Variants in IGF2R observed in about 807,000 individuals in gnomAD.
IGF2R encodes the protein cation-independent mannose-6-phosphate receptor.
A neutral mutation model predicts 270.6 loss-of-function variants in IGF2R; 91 were observed. The ratio of observed to expected loss-of-function variants is 0.34; its 90% confidence interval spans 0.28 to 0.40. IGF2R has a LOEUF of 0.40. Ranked by LOEUF, IGF2R falls within the 10% of genes least tolerant of loss-of-function variation. The pLI is 1.00. For synonymous variants in IGF2R, 1,316 were observed against 1,258.9 expected, an observed-to-expected ratio of 1.05 and a Z score of -0.96; for missense variants, 2,805 against 3,188.3, an observed-to-expected ratio of 0.88 and a Z score of 2.90.
rs1777517349 is a variant in IGF2R, at chr6:160,024,701, A to G, written c.643A>G (p.Ile215Val). ...TSLFINVCRD[I>V]DTLRDPGSQL... The stretch of plus-strand genomic sequence containing the variant: ...TCTATTCATCAATGTTTGTAGAGAC[A>G]TAGGTATGAATCTTTGTGGGGCTGA... Residue 215 changes from isoleucine (I) to valine (V), a missense_variant, in exon 5 of 48, where the codon ATA (isoleucine) becomes GTA (valine). By Grantham distance (29) the Ile-to-Val change is conservative (BLOSUM62 3). Around this residue, in one of 2 missense-constraint regions of IGF2R, gnomAD observed 954 missense variants for 981.1 expected, o/e 0.97. Coordinates refer to ENST00000356956, the MANE Select transcript of IGF2R (RefSeq NM_000876.4). 3.7e-6 allele frequency: 6 copies of G among 1,614,092 alleles called. No homozygotes were observed. The highest frequency in any genetic ancestry group is 5.1e-6 in the Non-Finnish European group (6 of 1,179,950).
intron 47 of IGF2R, 59 bp downstream of exon 47, chr6:160,103,874 G>A (rs1779551099): frequency 2.6e-6 from 3 of 1,160,232 alleles, no homozygotes; most frequent in African/African-American, 1.5e-5. Flanking sequence ...GTGCTGCGCT[G>A]TCCATGTCGT....
At chr6:159,997,691 G>T (rs73596418) in intron 2 of IGF2R, among the ~76,000 whole-genome samples, 1 of 152,082 alleles carries the variant, frequency 6.6e-6, no homozygotes, top group African/African-American at 2.4e-5. Flanking sequence ...CATCCCAGGG[G>T]TTCTCCACCA....
chr6:159,993,704 T>C (rs1784011223), intron 2 of IGF2R, among the ~76,000 whole-genome samples: 1 of 152,202 alleles, frequency 6.6e-6, no homozygotes. Flanking sequence ...CTATTCAGGC[T>C]TTGGCTACTC....
At chr6:160,019,258 A>C (rs139019670) in intron 4 of IGF2R, among the ~76,000 whole-genome samples, 5 of 152,354 alleles carry the variant, frequency 3.3e-5, no homozygotes, top group African/African-American at 1.2e-4. Flanking sequence ...AATTCCAAAA[A>C]GACCAATAAC....
rs1011601211 is a variant in IGF2R at position 160,027,415 on chromosome 6, A to G, written c.776+101A>G. ...ATCCTTTTTCAGCAAGGCTTGGGAT[A>G]GTCCCTGCAGCATTGCTGCTTCACA... On this transcript the variant is annotated intron_variant, in intron 6 of 47. Coordinates refer to ENST00000356956, the MANE Select transcript of IGF2R (RefSeq NM_000876.4). 8.3e-6 allele frequency: 11 copies of G among 1,329,332 alleles called. No homozygotes were observed. The East Asian group carries it at 2.5e-4, about 31-fold the overall frequency. The allele number at this position is 1,329,332 out of a possible 1,614,324, so 82.3% of individuals were successfully genotyped here.
At chr6:159,988,962 A>G (rs192560284) in intron 1 of IGF2R, among the ~76,000 whole-genome samples, 74 of 152,272 alleles carry the variant, frequency 4.9e-4, no homozygotes, top group African/African-American at 1.6e-3. Flanking sequence ...GTGCCCAGTA[A>G]TACTTGGGTT....
rs756446435 is a variant in IGF2R at position 160,078,204 on chromosome 6, A to G, written c.5320A>G (p.Thr1774Ala). Residue 1774 changes from threonine (T) to alanine (A), a missense_variant, in exon 37 of 48, where the codon ACG (threonine) becomes GCG (alanine). Physicochemically the swap from Thr to Ala is moderately conservative, Grantham distance 58. Coordinates refer to ENST00000356956, the MANE Select transcript of IGF2R (RefSeq NM_000876.4). ...CCCGTGCTCTTCCTGGCAACAGGGAACGCCTAAGCTGTTAAGGACCAGCGA... is the reference window on the plus strand; with the variant it reads ...CCCGTGCTCTTCCTGGCAACAGGGAGCGCCTAAGCTGTTAAGGACCAGCGA... ...FHCKRGVSMG[T>A]PKLLRTSECD... is the part of the protein sequence containing the mutation. 4.3e-6 allele frequency: 7 copies of G among 1,613,874 alleles called. No individual in the cohort carries two copies. The highest frequency in any genetic ancestry group is 1.3e-5 in the African/African-American group (1 of 74,918).
At position 159,991,271 on chromosome 6, in the gene IGF2R, A is replaced by G. The variant is rs767878929; in HGVS notation, c.237A>G (p.Pro79=). The G allele has an allele frequency of 5.6e-6, 9 of 1,613,820 alleles. No homozygotes were observed. Among genetic ancestry groups the G allele is most frequent in the African/African-American group, 4.0e-5 (3 of 74,926 alleles). Residue 79 remains proline (P), a synonymous_variant, in exon 2 of 48, where the codon CCA becomes CCG. Coordinates refer to ENST00000356956, the MANE Select transcript of IGF2R (RefSeq NM_000876.4). ...CGSVDIVQCG[P]SSAVCMHDLK... ...GTGTGGATATTGTCCAGTGCGGGCC[A>G]TCAAGTGCTGTTTGTATGCACGACT...
intron 1 of IGF2R, among the ~76,000 whole-genome samples, chr6:159,974,030 G>A (rs554793343): frequency 1.3e-5 from 2 of 152,300 alleles, no homozygotes; most frequent in East Asian, 3.9e-4. Context: ...TGGTGTATGA[G>A]GAGGTGGGCG....
At chr6:160,049,202 G>A (rs950688921) in intron 18 of IGF2R, among the ~76,000 whole-genome samples, 1 of 152,184 alleles carries the variant, frequency 6.6e-6, no homozygotes, top group African/African-American at 2.4e-5. Flanking sequence ...TCCTGGTTGT[G>A]TTTACCTCTG....
intron 32 of IGF2R, 112 bp downstream of exon 32, chr6:160,072,148 T>C (rs1778755411): frequency 1.5e-6 from 2 of 1,324,780 alleles, no homozygotes; most frequent in Admixed American, 3.7e-5. Flanking sequence ...GCAGGCGCCC[T>C]GGGCAGAGGT....
chr6:160,024,008 A>T (rs549771365), intron 4 of IGF2R, among the ~76,000 whole-genome samples: 23 of 152,298 alleles, frequency 1.5e-4, no homozygotes, highest in African/African-American at 5.5e-4. Flanking sequence ...GTGGAGAATG[A>T]TCAGTAGCAT....
chr6:160,030,301 T>G (rs977879347), intron 7 of IGF2R, among the ~76,000 whole-genome samples: 3 of 152,132 alleles, frequency 2.0e-5, no homozygotes, highest in African/African-American at 7.2e-5. Context: ...GGGCAGGGCT[T>G]TCCTTTAGTT....
At chr6:159,988,411 G>T (rs1783922656) in intron 1 of IGF2R, among the ~76,000 whole-genome samples, 1 of 151,408 alleles carries the variant, frequency 6.6e-6, no homozygotes, top group South Asian at 2.1e-4. Flanking sequence ...GCTACGGGAG[G>T]CTGAGGCAGG....
chr6:160,065,810 G>GTATATATA (rs1280903899), intron 29 of IGF2R, among the ~76,000 whole-genome samples: 10 of 72,972 alleles, frequency 1.4e-4, no homozygotes, highest in African/African-American at 6.0e-4. Flanking sequence ...GTGTGTGTGT[G>GTATATATA]TGTGTATATA....
intron 1 of IGF2R, among the ~76,000 whole-genome samples, chr6:159,988,237 C>G (rs1441850751): frequency 6.6e-6 from 1 of 151,886 alleles, no homozygotes; most frequent in Non-Finnish European, 1.5e-5. Context: ...CATAGCAGGC[C>G]GGGCGCGGTG....
chr6:160,044,407 TTTC>T, intron 12 of IGF2R, 104 bp from the exon 13 acceptor site: 1 of 1,057,224 alleles, frequency 9.5e-7, no homozygotes, highest in Non-Finnish European at 1.4e-6. Context: ...TTTGGGCTGA[TTTC>T]TTTCTTTCTT....
At chr6:160,009,514 C>T (rs1402834835) in intron 3 of IGF2R, among the ~76,000 whole-genome samples, 1 of 152,012 alleles carries the variant, frequency 6.6e-6, no homozygotes, top group Non-Finnish European at 1.5e-5. Context: ...ATTTTTCTTT[C>T]CTCATTTATA....
chr6:160,105,262 G>A lies in IGF2R; in HGVS notation c.*178G>A. The A allele has an allele frequency of 1.7e-6, 1 of 589,702 alleles. No individual in the cohort carries two copies. The allele number at this position is 589,702 out of a possible 1,614,324, so 36.5% of individuals were successfully genotyped here. On this transcript the variant is annotated 3_prime_UTR_variant, in exon 48 of 48. Coordinates refer to ENST00000356956, the MANE Select transcript of IGF2R (RefSeq NM_000876.4). ...GGTCAGGCCCCACTCCTTCCTGATT[G>A]TTTACAGTCATTGGAATAAGGCATG...
Sources: allele counts gnomAD v4.1 joint callset (sites outside exome capture counted in the v4.1 genomes callset), GRCh38; gene constraint gnomAD v4.1.1; regional missense constraint gnomAD v4.1.1; transcripts MANE v1.5; gene names NCBI Gene and HGNC (gene_info 2026-07-23, HGNC 2026-07-21).